The following RBM27 variants were observed in gnomAD, a reference collection of about 807,000 sequenced individuals.
RBM27 encodes the protein RNA binding motif protein 27, also known as RNA-binding protein 27.
A neutral mutation model predicts 135.3 loss-of-function variants in RBM27; 22 were observed. That is an observed-to-expected ratio of 0.16 (90% confidence interval 0.12 to 0.23). RBM27 has a LOEUF of 0.23. Among genes scored for constraint, RBM27 ranks in the 10% least tolerant of loss-of-function variants. RBM27 has a pLI of 1.00. For missense variants in RBM27, 1,009 were observed against 1,281.0 expected, an observed-to-expected ratio of 0.79 and a Z score of 3.24; for synonymous variants, 481 against 442.4, an observed-to-expected ratio of 1.09 and a Z score of -1.10.
intron 11 of RBM27, among the ~76,000 whole-genome samples, chr5:146,259,624 G>A (rs958952500): frequency 2.0e-5 from 3 of 151,480 alleles, no homozygotes; most frequent in African/African-American, 7.3e-5. Context: ...TTAAGTGTTA[G>A]TTGGGCCTTT....
chr5:146,267,176 T>C (rs1758652557), intron 14 of RBM27, among the ~76,000 whole-genome samples: 1 of 152,234 alleles, frequency 6.6e-6, no homozygotes, highest in South Asian at 2.1e-4. Context: ...TTAGATGATT[T>C]AGAAGGATTT....
At chr5:146,203,851 C>T (rs1425293832) in intron 1 of RBM27, 27 bp downstream of exon 1, 6 of 997,034 alleles carry the variant, frequency 6.0e-6, no homozygotes, top group East Asian at 8.9e-5. Flanking sequence ...GGGCCGGGGC[C>T]GGCGAACGTG....
Position 146,267,780 on chromosome 5 carries a change from G to C in RBM27, c.2451+12G>C. The C allele has an allele frequency of 6.3e-7, 1 of 1,597,138 alleles. No homozygotes were observed. Among genetic ancestry groups the C allele is most frequent in the South Asian group, 1.2e-5 (1 of 86,724 alleles). ...TTAAAAAAAAACAGGTAACAGTCTT[G>C]ATTCTTCTTGCCTTACAGAAGAAAA... On this transcript the variant is annotated intron_variant, in intron 15 of 20. Transcript: ENST00000265271.
chr5:146,254,915 T>C (rs201641863), intron 9 of RBM27, 28 bp from the exon 10 acceptor site: 48 of 1,508,412 alleles, frequency 3.2e-5, no homozygotes, highest in Admixed American at 1.9e-4. Flanking sequence ...TGATTTGTTG[T>C]GTGTTTTGTT....
Position 146,203,653 on chromosome 5 carries a change from T to G in RBM27, c.-113T>G, listed in dbSNP as rs1755481147. The G allele has an allele frequency of 2.1e-6, 2 of 974,526 alleles. No homozygotes were observed. The allele number at this position is 974,526 out of a possible 1,614,324, so 60.4% of individuals were successfully genotyped here. On this transcript the variant is annotated 5_prime_UTR_variant, in exon 1 of 21. It removes an upstream start codon present in the reference 5' UTR. Coordinates refer to ENST00000265271, the MANE Select transcript of RBM27 (RefSeq NM_018989.2). ...GGGAGTAGGTTGAAGTCTCCTAAGATGCCCGGTGGGCTGGGGCACCGGGAG... is the reference window on the plus strand; with the variant it reads ...GGGAGTAGGTTGAAGTCTCCTAAGAGGCCCGGTGGGCTGGGGCACCGGGAG...
In RBM27 at chr5:146,260,915, C is replaced by T. The variant is rs754038681; in HGVS notation, c.1893+17C>T. ...AATATCCAGGTAAATGTGGCTATGT[C>T]AGTGACAGAATCCAGGCATTTTATG... On this transcript the variant is annotated intron_variant, in intron 12 of 20. Coordinates refer to ENST00000265271, the MANE Select transcript of RBM27 (RefSeq NM_018989.2). The T allele has an allele frequency of 5.6e-6, 9 of 1,596,342 alleles. No individual in the cohort carries two copies. The Admixed American group carries it at 1.4e-4, about 25-fold the overall frequency.
In RBM27 at chr5:146,250,517, T is replaced by A. The variant is rs145204806; in HGVS notation, c.1280-1194T>A. Among the ~76,000 whole-genome samples the A allele has an allele frequency of 1.7e-3, 256 of 151,830 alleles. 3 individuals are homozygous for A. Among genetic ancestry groups the A allele is most frequent in the African/African-American group, 6.0e-3 (248 of 41,386 alleles). On this transcript the variant is annotated intron_variant, in intron 8 of 20. Coordinates refer to ENST00000265271, the MANE Select transcript of RBM27 (RefSeq NM_018989.2). ...TTGGACATATATAATAACTAAATCA[T>A]ATAAATATGTCTCAAATGGGGTTGT...
At chr5:146,263,382 C>A in intron 13 of RBM27, 109 bp from the exon 14 acceptor site, 1 of 1,067,408 alleles carries the variant, frequency 9.4e-7, no homozygotes, top group Non-Finnish European at 1.3e-6. Context: ...AAGCACCTTC[C>A]CGTTCCCATT....
chr5:146,285,866 G>A (rs917837204), intron 20 of RBM27, 81 bp from the exon 21 acceptor site: 12 of 1,022,384 alleles, frequency 1.2e-5, no homozygotes, highest in South Asian at 9.3e-5. Context: ...TTGTATACTA[G>A]CCTGTTTGTC....
At chr5:146,274,667 G>A (rs1432132117) in intron 19 of RBM27, among the ~76,000 whole-genome samples, 1 of 152,096 alleles carries the variant, frequency 6.6e-6, no homozygotes, top group East Asian at 1.9e-4. Flanking sequence ...CAAATTTGAG[G>A]ATATTGATTG....
At chr5:146,258,824 T>G (rs1758234374) in intron 11 of RBM27, among the ~76,000 whole-genome samples, 1 of 151,954 alleles carries the variant, frequency 6.6e-6, no homozygotes, top group Non-Finnish European at 1.5e-5. Context: ...AATGGTATAA[T>G]CTCAGCTCAC....
At chr5:146,206,306 T>G (rs1346383766) in intron 1 of RBM27, among the ~76,000 whole-genome samples, 1 of 150,800 alleles carries the variant, frequency 6.6e-6, no homozygotes, top group Non-Finnish European at 1.5e-5. Context: ...GTTTTTTGTT[T>G]TTTTTTTTTT....
At chr5:146,210,236 A>G (rs1371350370) in intron 1 of RBM27, among the ~76,000 whole-genome samples, 1 of 152,222 alleles carries the variant, frequency 6.6e-6, no homozygotes, top group Non-Finnish European at 1.5e-5. Context: ...ATGTATATAC[A>G]GGTAATTGAC....
intron 19 of RBM27, among the ~76,000 whole-genome samples, chr5:146,275,845 T>C (rs1250774559): frequency 6.6e-6 from 1 of 152,238 alleles, no homozygotes; most frequent in East Asian, 1.9e-4. Flanking sequence ...TTGATATTTT[T>C]CAAGTAGTGT....
intron 19 of RBM27, among the ~76,000 whole-genome samples, chr5:146,282,344 A>G (rs550939374): frequency 1.3e-5 from 2 of 152,282 alleles, no homozygotes; most frequent in East Asian, 1.9e-4. Flanking sequence ...TATTTCTACT[A>G]TGTGGCTTTT....
intron 7 of RBM27, among the ~76,000 whole-genome samples, chr5:146,236,166 C>T (rs1392594417): frequency 3.9e-5 from 6 of 152,088 alleles, no homozygotes; most frequent in African/African-American, 7.2e-5. Flanking sequence ...CCATTTCTCC[C>T]GACATTTTGC....
intron 10 of RBM27, among the ~76,000 whole-genome samples, chr5:146,255,855 C>T (rs1366753329): frequency 1.3e-5 from 2 of 150,602 alleles, no homozygotes; most frequent in Non-Finnish European, 3.0e-5. Flanking sequence ...TTTTTTTCTT[C>T]TTCTTCTTTT....
chr5:146,247,967 A>G (rs1441468027), intron 8 of RBM27, among the ~76,000 whole-genome samples: 1 of 152,228 alleles, frequency 6.6e-6, no homozygotes, highest in Non-Finnish European at 1.5e-5. Context: ...CATTCCATAT[A>G]GTTGACTATA....
intron 8 of RBM27, among the ~76,000 whole-genome samples, chr5:146,246,080 A>C (rs1757612354): frequency 6.6e-6 from 1 of 152,116 alleles, no homozygotes; most frequent in Non-Finnish European, 1.5e-5. Flanking sequence ...TGACTGTTTG[A>C]TTTCTATTAT....
Sources: gnomAD v4.1 joint callset for allele counts (sites outside exome capture counted in the v4.1 genomes callset) on GRCh38, gnomAD v4.1.1 for gene constraint, MANE v1.5 for transcripts, NCBI Gene and HGNC (gene_info 2026-07-23, HGNC 2026-07-21) for gene names.